Variants in ANKRD42 observed in about 807,000 individuals in gnomAD.
The protein encoded by ANKRD42 is ankyrin repeat domain 42.
A neutral mutation model predicts 51.5 loss-of-function variants in ANKRD42; 43 were observed. That is an observed-to-expected ratio of 0.83 (90% confidence interval 0.65 to 1.08). The LOEUF (loss-of-function observed/expected upper bound fraction) is 1.08, where lower values mean the gene tolerates loss of function less well. Ranked by LOEUF, ANKRD42 falls within the 50% of genes least tolerant of loss-of-function variation. The pLI, the probability that ANKRD42 is intolerant of heterozygous loss-of-function variation, is 0.00. For synonymous variants in ANKRD42, 203 were observed against 213.0 expected, an observed-to-expected ratio of 0.95 and a Z score of 0.41; for missense variants, 608 against 629.3, an observed-to-expected ratio of 0.97 and a Z score of 0.36.
At chr11:83,212,958 C>G in intron 5 of ANKRD42, 2 of 1,553,002 alleles carry the variant, frequency 1.3e-6, no homozygotes, top group East Asian at 4.5e-5. Flanking sequence ...AAAAGCCCCT[C>G]TCTCGGCGCT....
chr11:83,228,220 C>CCT (rs1201296890), intron 7 of ANKRD42, among the ~76,000 whole-genome samples: 19,040 of 75,990 alleles, frequency 0.25, 4,387 homozygotes, highest in African/African-American at 0.33. Flanking sequence ...AGAAATCATC[C>CCT]CTCTCTCTCT....
rs1331199130 is a variant in ANKRD42, at chr11:83,194,386, G to A, written c.-285G>A. 1.5e-6 allele frequency: 1 copy of A among 646,578 alleles called. No individual in the cohort carries two copies. Among genetic ancestry groups the A allele is most frequent in the South Asian group, 1.5e-5 (1 of 66,266 alleles). The allele number at this position is 646,578 out of a possible 1,614,324, so 40.1% of individuals were successfully genotyped here. Reference sequence around the variant, plus strand: ...CCACAGCGTTGGTAGTTCTTGGGAGGAAGTAAGTGGAGACCGCGGCTACGC... The same window carrying A: ...CCACAGCGTTGGTAGTTCTTGGGAGAAAGTAAGTGGAGACCGCGGCTACGC... On this transcript the variant is annotated 5_prime_UTR_variant, in exon 1 of 11. Transcript: ENST00000533342.
chr11:83,208,475 A>G (rs1368647771), intron 3 of ANKRD42, among the ~76,000 whole-genome samples: 1 of 152,162 alleles, frequency 6.6e-6, no homozygotes, highest in Non-Finnish European at 1.5e-5. Flanking sequence ...TATTTCAGGG[A>G]ATTATTCTAG....
chr11:83,204,858 T>C (rs1045885495), intron 2 of ANKRD42, among the ~76,000 whole-genome samples: 1 of 152,202 alleles, frequency 6.6e-6, no homozygotes, highest in Admixed American at 6.5e-5. Context: ...AAGACTTCAG[T>C]TGACACTTTC....
chr11:83,241,339 GGAACTTCATTC>G (rs1024788661), intron 9 of ANKRD42, among the ~76,000 whole-genome samples: 1 of 152,120 alleles, frequency 6.6e-6, no homozygotes, highest in Non-Finnish European at 1.5e-5. Flanking sequence ...ACAATACAAA[GGAACTTCATTC>G]GAATGGTGGT....
At chr11:83,246,075 T>G (rs1196495395) in intron 10 of ANKRD42, among the ~76,000 whole-genome samples, 7 of 152,198 alleles carry the variant, frequency 4.6e-5, no homozygotes, top group Admixed American at 1.3e-4. Flanking sequence ...TCACTTCCTG[T>G]ACCCTAAATT....
chr11:83,231,799 A>G (rs1387511532), intron 7 of ANKRD42, among the ~76,000 whole-genome samples: 1 of 152,062 alleles, frequency 6.6e-6, no homozygotes, highest in Admixed American at 6.6e-5. Context: ...AGCACCATTT[A>G]TTGAAGAGAC....
downstream of ANKRD42, among the ~76,000 whole-genome samples, chr11:83,263,485 G>C (rs1323260788): frequency 6.6e-6 from 1 of 152,144 alleles, no homozygotes; most frequent in African/African-American, 2.4e-5. Context: ...AAATGCTTAG[G>C]TGAGCATATG....
chr11:83,204,160 C>T (rs1861980338), intron 2 of ANKRD42, among the ~76,000 whole-genome samples: 1 of 152,100 alleles, frequency 6.6e-6, no homozygotes, highest in African/African-American at 2.4e-5. Flanking sequence ...CCAGGATAGT[C>T]TTGAATTCCT....
intron 5 of ANKRD42, chr11:83,213,465 A>G: frequency 3.6e-6 from 5 of 1,397,566 alleles, no homozygotes; most frequent in Middle Eastern, 2.7e-4. Context: ...GAAAAACCAA[A>G]AAACAACAAC....
rs1013073782 is a variant in ANKRD42 at position 83,245,533 on chromosome 11, C to T, written c.1231C>T (p.Leu411Phe). The T allele has an allele frequency of 1.3e-6, 2 of 1,536,374 alleles. No homozygotes were observed. The highest frequency in any genetic ancestry group is 1.4e-5 in the African/African-American group (1 of 73,028). ...AYKKIVELRH[L>F]LEIAESNYKH... ...CAAGAAAATTGTAGAATTGAGACAC[C>T]TCCTGGAAATTGCCGAGAGCAACTA... is the stretch of plus-strand genomic sequence containing the variant. Residue 411 changes from leucine (L) to phenylalanine (F), a missense_variant, in exon 10 of 11, where the codon CTC (leucine) becomes TTC (phenylalanine). Leu to Phe is a conservative substitution (Grantham distance 22, BLOSUM62 0). Transcript: ENST00000533342.
chr11:83,231,808 ACTGT>A (rs895000906), intron 7 of ANKRD42, among the ~76,000 whole-genome samples: 6 of 152,014 alleles, frequency 3.9e-5, no homozygotes, highest in African/African-American at 1.2e-4. Context: ...TATTGAAGAG[ACTGT>A]CTTTTACCCA....
At chr11:83,250,105 G>A (rs1309928299), downstream of ANKRD42, among the ~76,000 whole-genome samples, 1 of 152,150 alleles carries the variant, frequency 6.6e-6, no homozygotes, top group Non-Finnish European at 1.5e-5. Context: ...TATATGTAAT[G>A]TATAAGTAAA....
intron 3 of ANKRD42, chr11:83,209,622 A>G (rs893353813): frequency 3.3e-5 from 28 of 847,712 alleles, no homozygotes; most frequent in Non-Finnish European, 5.2e-5. Context: ...CCACTACCCA[A>G]GAAGCCAAAG....
At chr11:83,209,786 C>G (rs1862233177) in intron 3 of ANKRD42, 1 of 579,594 alleles carries the variant, frequency 1.7e-6, no homozygotes, top group Non-Finnish European at 3.1e-6. Context: ...CTGGTAACTG[C>G]TTTGCTTCTT....
intron 1 of ANKRD42, among the ~76,000 whole-genome samples, chr11:83,197,131 C>A (rs576107107): frequency 1.3e-5 from 2 of 151,100 alleles, no homozygotes; most frequent in South Asian, 2.1e-4. Flanking sequence ...TGCTCTCGTT[C>A]CCATTTGCCA....
chr11:83,216,480 T>A (rs1031526158), intron 5 of ANKRD42, among the ~76,000 whole-genome samples: 6 of 151,906 alleles, frequency 3.9e-5, no homozygotes, highest in African/African-American at 7.2e-5. Context: ...GCCCGCCACC[T>A]CGCCCGGCTA....
intron 5 of ANKRD42, chr11:83,213,911 A>G (rs1388218382): frequency 1.3e-5 from 2 of 152,804 alleles, no homozygotes; most frequent in Admixed American, 6.6e-5. Context: ...TTTTTTTTGA[A>G]ATAGAGTCTT....
At chr11:83,229,299 G>A (rs1862995030) in intron 7 of ANKRD42, among the ~76,000 whole-genome samples, 1 of 151,956 alleles carries the variant, frequency 6.6e-6, no homozygotes, top group South Asian at 2.1e-4. Context: ...CACTTTAAAG[G>A]CCCTATCTCC....
Sources: allele counts gnomAD v4.1 joint callset (sites outside exome capture counted in the v4.1 genomes callset), GRCh38; gene constraint gnomAD v4.1.1; transcripts MANE v1.5; gene names NCBI Gene and HGNC (gene_info 2026-07-23, HGNC 2026-07-21).